The following CIMAP3 variants were observed in gnomAD, a reference collection of about 807,000 sequenced individuals.
The protein encoded by CIMAP3 is ciliary microtubule-associated protein 3.
chr1:111,352,696 A>G, the CIMAP3 span: 3 of 152,088 alleles, frequency 2.0e-5, no homozygotes, highest in African/African-American at 7.2e-5. Context: ...CCTCTCCTGT[A>G]CACCTCCCTC....
the CIMAP3 span, among the ~76,000 whole-genome samples, chr1:111,340,762 C>T: frequency 2.6e-5 from 4 of 152,030 alleles, no homozygotes; most frequent in South Asian, 8.3e-4. Flanking sequence ...GTTGGTGGGA[C>T]TGTAAACTAG....
At chr1:111,342,757 T>G in the CIMAP3 span, among the ~76,000 whole-genome samples, 14 of 152,326 alleles carry the variant, frequency 9.2e-5, no homozygotes, top group African/African-American at 3.1e-4. Flanking sequence ...TGGTTGTCCA[T>G]CTCAGTATCA....
the CIMAP3 span, among the ~76,000 whole-genome samples, chr1:111,329,516 CATATATATATATATAT>C: frequency 0.3 from 31,423 of 106,046 alleles, 4,731 homozygotes; most frequent in South Asian, 0.45. Flanking sequence ...CACATAAACC[CATATATATATATATAT>C]ATATATATAT....
the CIMAP3 span, among the ~76,000 whole-genome samples, chr1:111,350,516 G>C: frequency 2.0e-5 from 3 of 152,196 alleles, no homozygotes; most frequent in Admixed American, 2.0e-4. Context: ...TAGAGGCCCA[G>C]ATGGATTAAG....
the CIMAP3 span, chr1:111,347,580 C>A: frequency 2.6e-6 from 2 of 758,838 alleles, no homozygotes; most frequent in Non-Finnish European, 4.4e-6. Context: ...CACTCCATTT[C>A]GATGGCCCTG....
At chr1:111,347,714 G>C in the CIMAP3 span, 1 of 1,610,970 alleles carries the variant, frequency 6.2e-7, no homozygotes, top group Non-Finnish European at 8.5e-7. Context: ...ATCCCAACCA[G>C]TATAAAAGGA....
At chr1:111,342,110 TA>T in the CIMAP3 span, among the ~76,000 whole-genome samples, 2 of 152,074 alleles carry the variant, frequency 1.3e-5, no homozygotes, top group Non-Finnish European at 2.9e-5. Context: ...CAAATAAGAC[TA>T]CCCCAAGGAA....
the CIMAP3 span, among the ~76,000 whole-genome samples, chr1:111,338,408 A>G: frequency 1.3e-5 from 2 of 151,958 alleles, no homozygotes; most frequent in African/African-American, 2.4e-5. Flanking sequence ...TGAATCCAGG[A>G]GCTGGTTTTT....
chr1:111,341,511 C>G, the CIMAP3 span, among the ~76,000 whole-genome samples: 2 of 152,184 alleles, frequency 1.3e-5, no homozygotes, highest in East Asian at 1.9e-4. Context: ...AAATCTTGCT[C>G]TGTGTGGCCT....
chr1:111,347,753 G>A, the CIMAP3 span: 387 of 1,611,958 alleles, frequency 2.4e-4, 2 homozygotes, highest in Middle Eastern at 1.3e-3. Context: ...ACAGCTGTGA[G>A]GTTTAAGCCA....
At chr1:111,352,594 A>C in the CIMAP3 span, 2 of 152,540 alleles carry the variant, frequency 1.3e-5, no homozygotes. Flanking sequence ...GAACATACCT[A>C]ATATATACAC....
chr1:111,342,407 G>T, the CIMAP3 span, among the ~76,000 whole-genome samples: 1 of 152,160 alleles, frequency 6.6e-6, no homozygotes, highest in Admixed American at 6.5e-5. Flanking sequence ...CACAAACTGA[G>T]ACCTAGCAAG....
chr1:111,348,425 G>C, the CIMAP3 span: 1 of 1,261,118 alleles, frequency 7.9e-7, no homozygotes, highest in Admixed American at 2.7e-5. Flanking sequence ...TGAACAGAAA[G>C]AGGATGATTC....
chr1:111,342,130 C>T, the CIMAP3 span, among the ~76,000 whole-genome samples: 1 of 152,056 alleles, frequency 6.6e-6, no homozygotes, highest in Non-Finnish European at 1.5e-5. Context: ...AATAAACTCT[C>T]AAAGGTCAAG....
chr1:111,351,401 C>T, the CIMAP3 span: 1 of 1,281,386 alleles, frequency 7.8e-7, no homozygotes, highest in Admixed American at 2.6e-5. Flanking sequence ...TGCTCTTCTT[C>T]TTCTACGTTA....
the CIMAP3 span, among the ~76,000 whole-genome samples, chr1:111,336,339 A>G: frequency 6.6e-6 from 1 of 152,222 alleles, no homozygotes; most frequent in Admixed American, 6.5e-5. Flanking sequence ...CAATAGAACA[A>G]AGCTGGACGG....
At chr1:111,346,520 T>G in the CIMAP3 span, 26 of 1,423,882 alleles carry the variant, frequency 1.8e-5, no homozygotes, top group South Asian at 1.3e-5. Context: ...AGTGGCTCGG[T>G]GGACGCCCCA....
chr1:111,330,295 C>T, the CIMAP3 span, among the ~76,000 whole-genome samples: 1 of 152,156 alleles, frequency 6.6e-6, no homozygotes, highest in Non-Finnish European at 1.5e-5. Flanking sequence ...TGCATTGGTT[C>T]TTTCTCATCT....
the CIMAP3 span, among the ~76,000 whole-genome samples, chr1:111,329,060 C>T: frequency 6.6e-6 from 1 of 152,220 alleles, no homozygotes; most frequent in Non-Finnish European, 1.5e-5. Flanking sequence ...ATTCTCTCAA[C>T]ATTTACTTAT....
Sources: allele counts gnomAD v4.1 joint callset (sites outside exome capture counted in the v4.1 genomes callset), GRCh38; gene constraint gnomAD v4.1.1; transcripts MANE v1.5; gene names NCBI Gene and HGNC (gene_info 2026-07-23, HGNC 2026-07-21).